CAPN1: variants seen among roughly 807,000 people sequenced by gnomAD.
CAPN1 encodes the protein calpain 1.
Under a neutral mutation model 105.2 loss-of-function variants are expected in CAPN1, and 77 were observed. That is an observed-to-expected ratio of 0.73 (90% CI 0.61 to 0.88). The LOEUF (loss-of-function observed/expected upper bound fraction) is 0.88. Ranked by LOEUF, CAPN1 falls within the 40% of genes least tolerant of loss-of-function variation. The pLI is 0.00. For missense variants in CAPN1, 833 were observed against 976.6 expected, an observed-to-expected ratio of 0.85 and a Z score of 1.96; for synonymous variants, 355 against 388.8, an observed-to-expected ratio of 0.91 and a Z score of 1.02.
At chr11:65,182,627 A>C in intron 1 of CAPN1, 74 bp from the exon 2 acceptor site, 1 of 1,422,940 alleles carries the variant, frequency 7.0e-7, no homozygotes, top group African/African-American at 1.4e-5. Context: ...GCAGGAGAGC[A>C]GAGCTTGCAG....
intron 10 of CAPN1, among the ~76,000 whole-genome samples, chr11:65,197,793 C>T (rs1948812191): frequency 6.9e-6 from 1 of 144,772 alleles, no homozygotes; most frequent in Admixed American, 7.4e-5. Flanking sequence ...GAGACTGAGG[C>T]AGGAGAATCA....
Position 65,187,270 on chromosome 11 carries a change from A to G in CAPN1, c.815A>G (p.His272Arg), listed in dbSNP as rs1177282625. 1.2e-6 allele frequency: 2 copies of G among 1,613,394 alleles called. No individual in the cohort carries two copies. The highest frequency in any genetic ancestry group is 1.1e-5 in the South Asian group (1 of 90,902). Residue 272 changes from histidine to arginine, a missense_variant, in exon 7 of 22, where the codon CAT becomes CGT. Coordinates refer to ENST00000279247, the MANE Select transcript of CAPN1 (RefSeq NM_005186.4). ...AITFKKLVKG[H>R]AYSVTGAKQV... is the part of the protein sequence containing the mutation. ...ACTTTCAAGAAGTTGGTGAAGGGCC[A>G]TGCCTACTCTGTGACCGGGGCCAAG...
chr11:65,205,655 GACCCCGC>G, intron 11 of CAPN1, 48 bp from the exon 12 acceptor site: 3 of 1,592,384 alleles, frequency 1.9e-6, no homozygotes, highest in Non-Finnish European at 2.6e-6. Flanking sequence ...CATGCACTGT[GACCCCGC>G]CCTGGGACAA....
rs1949039738 is a variant in CAPN1, at chr11:65,210,957, TG to T, written c.2118+87del. On this transcript the variant is annotated intron_variant, in intron 21 of 21. Transcript: ENST00000279247. The surrounding 1 kb of genome is among the most constrained non-coding windows in gnomAD (Gnocchi z 4.3). ...CTGGCCAGTGTTCCCTGTCCTTTCC[TG>T]GAAATGAGCCTGGGCCTCAGAGCCA... 2 of 1,238,916 alleles carry T rather than the reference TG, an allele frequency of 1.6e-6. No homozygotes were observed. The highest frequency in any genetic ancestry group is 2.4e-5 in the South Asian group (2 of 83,002). The allele number at this position is 1,238,916 out of a possible 1,614,324, so 76.7% of individuals were successfully genotyped here.
chr11:65,208,031 T>G lies in CAPN1; in HGVS notation c.1606-24T>G, dbSNP rs778529158. 1 of 1,567,260 alleles carries G rather than the reference T, an allele frequency of 6.4e-7. No homozygotes were observed. Among genetic ancestry groups the G allele is most frequent in the Non-Finnish European group, 8.7e-7 (1 of 1,155,574 alleles). On this transcript the variant is annotated intron_variant, in intron 14 of 21. Coordinates refer to ENST00000279247, the MANE Select transcript of CAPN1 (RefSeq NM_005186.4). This position sits in a 1 kb window ranked among gnomAD's most constrained non-coding sequence, Gnocchi z 4.1. The stretch of plus-strand genomic sequence containing the variant: ...GGGCAGGGCCGGGGCCTCTCTTACC[T>G]GCTTTCTCCCCTTCTCGGTCCAGCA...
Position 65,185,944 on chromosome 11 carries a change from G to A in CAPN1, c.484G>A (p.Val162Met), listed in dbSNP as rs752598644. The change falls in exon 5 of 22, where the codon GTG becomes ATG. Residue 162 changes from valine (V) to methionine (M), a missense_variant. Physicochemically the swap from Val to Met is conservative, Grantham distance 21. Coordinates refer to ENST00000279247, the MANE Select transcript of CAPN1 (RefSeq NM_005186.4). Reference protein sequence around the residue: ...QLWQFGEWVDVVVDDLLPIKD... With the variant: ...QLWQFGEWVDMVVDDLLPIKD... ...GTGGCAATTTGGGGAGTGGGTGGAC[G>A]TGGTCGTGGATGACCTGCTGCCCAT... 1.7e-5 allele frequency: 27 copies of A among 1,589,908 alleles called. No homozygotes were observed. In the South Asian group the frequency reaches 2.2e-4, roughly 13 times the overall value.
rs1565403828 is a variant in CAPN1 at position 65,195,100 on chromosome 11, G to GGTTTTTTTTTTTTTTTTTTTTTTT, written c.1165+6354_1165+6355insGTTTTTTTTTTTTTTTTTTTTTTT. ...AGTGGTATCACTGAAGTTTTTTGGGGTTTTTTTTTTTTTTTTTTTTTTTTT... is the reference window on the plus strand; with the variant it reads ...AGTGGTATCACTGAAGTTTTTTGGGGGTTTTTTTTTTTTTTTTTTTTTTTTTTTTTTTTTTTTTTTTTTTTTTTT... On this transcript the variant is annotated intron_variant, in intron 10 of 21. Transcript: ENST00000279247. Among the ~76,000 whole-genome samples, 3 of 90,904 alleles carry GGTTTTTTTTTTTTTTTTTTTTTTT rather than the reference G, an allele frequency of 3.3e-5. 1 individual carries two copies. Among genetic ancestry groups the GGTTTTTTTTTTTTTTTTTTTTTTT allele is most frequent in the African/African-American group, 6.7e-5 (2 of 29,840 alleles). 59.6% of individuals were successfully genotyped at this position (90,904 alleles called of 152,430 possible). A position where few individuals can be genotyped will look rare whatever the true frequency, so the allele number is the denominator to read the frequency against.
rs34786351 is a variant in CAPN1 at position 65,207,199 on chromosome 11, CT to C, written c.1605+400del. On this transcript the variant is annotated intron_variant, in intron 14 of 21. Coordinates refer to ENST00000279247, the MANE Select transcript of CAPN1 (RefSeq NM_005186.4). Reference sequence around the variant, plus strand: ...ATACAGTAGGGATCCAAACTCTTGCCTTTTTTTTTTTTTTTTTTTTGAGAGA... The same window carrying C: ...ATACAGTAGGGATCCAAACTCTTGCCTTTTTTTTTTTTTTTTTTTGAGAGA... Among the ~76,000 whole-genome samples the C allele has an allele frequency of 7.4e-3, 838 of 113,354 alleles. 2 individuals are homozygous for C. Among genetic ancestry groups the C allele is most frequent in the South Asian group, 0.015 (55 of 3,616 alleles). The allele number at this position is 113,354 out of a possible 152,430, so 74.4% of individuals were successfully genotyped here. A position where few individuals can be genotyped will look rare whatever the true frequency, so the allele number is the denominator to read the frequency against.
Position 65,210,621 on chromosome 11 carries a change from G to C in CAPN1, c.2059+169G>C, listed in dbSNP as rs1949033961. Among the ~76,000 whole-genome samples, 1 of 152,170 alleles carries C rather than the reference G, an allele frequency of 6.6e-6. No homozygotes were observed. The highest frequency in any genetic ancestry group is 1.5e-5 in the Non-Finnish European group (1 of 68,034). On this transcript the variant is annotated intron_variant, in intron 20 of 21. Transcript: ENST00000279247. This position sits in a 1 kb window ranked among gnomAD's most constrained non-coding sequence, Gnocchi z 4.3. The stretch of plus-strand genomic sequence containing the variant: ...GGGGCCCTGGCTGAGTGCCAGGAGA[G>C]TCGGGGAGGGAGGGAGTTGACAGTG...
Position 65,182,728 on chromosome 11 carries a change from G to A in CAPN1, c.27G>A (p.Val9=), listed in dbSNP as rs751320042. The change falls in exon 2 of 22, where the codon GTG becomes GTA. Residue 9 remains valine, a synonymous_variant. Coordinates refer to ENST00000279247, the MANE Select transcript of CAPN1 (RefSeq NM_005186.4). MSEEIITP[V]YCTGVSAQVQ... is the part of the protein sequence containing the mutation. ...TGTCGGAGGAGATCATCACGCCGGT[G>A]TACTGCACTGGGGTGTCAGCCCAAG... The A allele has an allele frequency of 1.9e-6, 3 of 1,580,986 alleles. No individual in the cohort carries two copies.
At chr11:65,194,064 C>A (rs145151461) in intron 10 of CAPN1, among the ~76,000 whole-genome samples, 1 of 144,952 alleles carries the variant, frequency 6.9e-6, no homozygotes, top group African/African-American at 2.6e-5. Flanking sequence ...TGGGTTTAAG[C>A]GATTCTCTTG....
Position 65,210,431 on chromosome 11 carries a change from G to C in CAPN1, c.2038G>C (p.Val680Leu). The change falls in exon 20 of 22, where the codon GTG becomes CTG. Residue 680 changes from valine to leucine, a missense_variant. By Grantham distance (32) the Val-to-Leu change is conservative. Transcript: ENST00000279247. This position sits in a 1 kb window ranked among gnomAD's most constrained non-coding sequence, Gnocchi z 4.3. Reference protein sequence around the residue: ...VDFDNFVCCLVRLETMFRFFK... With the variant: ...VDFDNFVCCLLRLETMFRFFK... ...CTTTGACAATTTCGTTTGCTGCCTG[G>C]TGCGGCTAGAGACCATGTTCCGTGA... The C allele has an allele frequency of 6.2e-7, 1 of 1,611,116 alleles. No individual in the cohort carries two copies. The highest frequency in any genetic ancestry group is 1.3e-5 in the African/African-American group (1 of 74,980).
chr11:65,209,357 G>C lies in CAPN1; in HGVS notation c.1764G>C (p.Glu588Asp). The C allele has an allele frequency of 6.2e-7, 1 of 1,613,846 alleles. No individual in the cohort carries two copies. Among genetic ancestry groups the C allele is most frequent in the Non-Finnish European group, 8.5e-7 (1 of 1,179,816 alleles). Residue 588 changes from glutamate (E) to aspartate (D), a missense_variant, in exon 17 of 22, where the codon GAG (glutamate) becomes GAC (aspartate). Physicochemically the swap from Glu to Asp is conservative, Grantham distance 45 (BLOSUM62 2). Transcript: ENST00000279247. This position sits in a 1 kb window ranked among gnomAD's most constrained non-coding sequence, Gnocchi z 4.1. ...KDLRTKGFSL[E>D]SCRSMVNLMD... is the part of the protein sequence containing the mutation. Reference sequence around the variant, plus strand: ...TGCGGACCAAGGGCTTCAGCCTAGAGTCGTGCCGCAGCATGGTGAACCTCA... The same window carrying C: ...TGCGGACCAAGGGCTTCAGCCTAGACTCGTGCCGCAGCATGGTGAACCTCA...
In CAPN1 at chr11:65,185,927, T is replaced by C. The variant is rs767577785; in HGVS notation, c.467T>C (p.Phe156Ser). Residue 156 changes from phenylalanine (F) to serine (S), a missense_variant, in exon 5 of 22, where the codon TTT becomes TCT. By Grantham distance (155) the Phe-to-Ser change is radical. Coordinates refer to ENST00000279247, the MANE Select transcript of CAPN1 (RefSeq NM_005186.4). ...GCCCCTCCCCCACAGCTGTGGCAAT[T>C]TGGGGAGTGGGTGGACGTGGTCGTG... ...AGIFHFQLWQ[F>S]GEWVDVVVDD... 4 of 1,584,016 alleles carry C rather than the reference T, an allele frequency of 2.5e-6. No homozygotes were observed. The African/African-American group carries it at 5.4e-5, about 21-fold the overall frequency.
chr11:65,200,868 A>G (rs1339627079), intron 10 of CAPN1, among the ~76,000 whole-genome samples: 2 of 147,944 alleles, frequency 1.4e-5, no homozygotes. Flanking sequence ...CCTGGGCTCA[A>G]GTGATCCTCC....
chr11:65,202,467 G>T (rs1948886016), intron 10 of CAPN1, among the ~76,000 whole-genome samples: 1 of 151,724 alleles, frequency 6.6e-6, no homozygotes, highest in South Asian at 2.1e-4. Context: ...TATTGAGATG[G>T]AGTCTCGCTC....
rs149596501 is a variant in CAPN1, at chr11:65,185,788, T to C, written c.457-129T>C. 15 of 937,110 alleles carry C rather than the reference T, an allele frequency of 1.6e-5. No individual in the cohort carries two copies. In the African/African-American group the frequency reaches 2.4e-4, roughly 15 times the overall value. The allele number at this position is 937,110 out of a possible 1,614,324, so 58.0% of individuals were successfully genotyped here. ...ACATCTAGTATGTATCTAATTTACA[T>C]GATTTAGTCTATGTGTATCTAGTAT... is the stretch of plus-strand genomic sequence containing the variant. On this transcript the variant is annotated intron_variant, in intron 4 of 21. Transcript: ENST00000279247.
Position 65,187,179 on chromosome 11 carries a change from C to A in CAPN1, c.760-36C>A, listed in dbSNP as rs770013081. On this transcript the variant is annotated intron_variant, in intron 6 of 21. Transcript: ENST00000279247. ...GGCTCATCTGATAGGGCGGGGGGAC[C>A]TAGCCACTGACCACAGTGTGTGCCT... The A allele has an allele frequency of 1.4e-5, 22 of 1,530,678 alleles. No homozygotes were observed. In the South Asian group the frequency reaches 2.5e-4, roughly 18 times the overall value. The allele number at this position is 1,530,678 out of a possible 1,614,324, so 94.8% of individuals were successfully genotyped here. A position where few individuals can be genotyped will look rare whatever the true frequency, so the allele number is the denominator to read the frequency against.
intron 4 of CAPN1, among the ~76,000 whole-genome samples, chr11:65,184,007 T>C (rs373834696): frequency 1.3e-5 from 2 of 152,164 alleles, no homozygotes; most frequent in African/African-American, 2.4e-5. Context: ...AAGGTCTGAC[T>C]GAGCCCAGCA....
Sources: gnomAD v4.1 joint callset for allele counts (sites outside exome capture counted in the v4.1 genomes callset) on GRCh38, gnomAD v4.1.1 for gene constraint, Gnocchi (gnomAD v3.1) non-coding constraint, MANE v1.5 for transcripts, NCBI Gene and HGNC (gene_info 2026-07-23, HGNC 2026-07-21) for gene names.